Variants in MPZL3 observed in about 807,000 individuals in gnomAD.
MPZL3 encodes myelin protein zero like 3, also known as myelin protein zero-like protein 3.
In MPZL3, 23 loss-of-function variants were observed where a neutral mutation model predicts 24.8. The observed-to-expected ratio is 0.93, with a 90% CI of 0.67 to 1.31. MPZL3 has a LOEUF of 1.31. Among genes scored for constraint, MPZL3 ranks in the 40% most tolerant of loss-of-function variants. MPZL3 has a pLI of 0.00. For missense variants in MPZL3, 277 were observed against 294.9 expected, an observed-to-expected ratio of 0.94 and a Z score of 0.44; for synonymous variants, 99 against 106.5, an observed-to-expected ratio of 0.93 and a Z score of 0.44.
chr11:118,229,782 G>T lies in MPZL3; in HGVS notation c.*112C>A. The T allele has an allele frequency of 2.1e-6, 2 of 960,088 alleles. No individual in the cohort carries two copies. Among genetic ancestry groups the T allele is most frequent in the Admixed American group, 2.1e-5 (1 of 47,562 alleles). 59.5% of individuals were successfully genotyped at this position (960,088 alleles called of 1,614,324 possible). On this transcript the variant is annotated 3_prime_UTR_variant, in exon 6 of 6. Transcript: ENST00000278949. The stretch of plus-strand genomic sequence containing the variant: ...GTCTTTACTGATGATCTCCAGGATT[G>T]TCCATCGCTATGGTCCAGGCCAGCT...
In MPZL3 at chr11:118,228,037, C is replaced by T. The variant is rs917581998; in HGVS notation, c.*1857G>A. The T allele has an allele frequency of 3.3e-5, 5 of 152,126 alleles. No individual in the cohort carries two copies. Among genetic ancestry groups the T allele is most frequent in the Admixed American group, 1.3e-4 (2 of 15,268 alleles). The allele number at this position is 152,126 out of a possible 1,614,324, so 9.4% of individuals were successfully genotyped here. A position where few individuals can be genotyped will look rare whatever the true frequency, so the allele number is the denominator to read the frequency against. On this transcript the variant is annotated 3_prime_UTR_variant, in exon 6 of 6. Transcript: ENST00000278949. The stretch of plus-strand genomic sequence containing the variant: ...AAGTTAACAAGCAGTCCCAAAGTAC[C>T]GTGAGGTTTAACCACTGGAAATGTA...
At chr11:118,235,809 T>G (rs1365125080) in intron 3 of MPZL3, among the ~76,000 whole-genome samples, 1 of 152,180 alleles carries the variant, frequency 6.6e-6, no homozygotes, top group African/African-American at 2.4e-5. Context: ...ACCCATTTAA[T>G]CTTCTTCTAG....
At chr11:118,235,052 A>G (rs2134697782) in intron 4 of MPZL3, among the ~76,000 whole-genome samples, 1 of 152,288 alleles carries the variant, frequency 6.6e-6, no homozygotes, top group Non-Finnish European at 1.5e-5. Context: ...CTCATTGCTC[A>G]GGCATTTTCT....
chr11:118,237,004 G>A (rs763106108), intron 3 of MPZL3, 46 bp downstream of exon 3: 57 of 1,536,632 alleles, frequency 3.7e-5, no homozygotes, highest in Non-Finnish European at 4.9e-5. Context: ...AAGCACCACA[G>A]CAGTCACAGA....
At chr11:118,234,465 A>G (rs1481184413) in intron 4 of MPZL3, among the ~76,000 whole-genome samples, 2 of 152,170 alleles carry the variant, frequency 1.3e-5, no homozygotes, top group African/African-American at 4.8e-5. Context: ...GCAAGTCAAA[A>G]GGAGGGGTCT....
In MPZL3 at chr11:118,240,247, C is replaced by A; in HGVS notation, c.204G>T (p.Trp68Cys). ...SDVTDKLTID[W>C]TYRPPSSSHT... ...GGCTGCTGCTGGGAGGGCGATATGTCCAGTCTATAGTAAGTTTGTCAGTGA... is the reference window on the plus strand; with the variant it reads ...GGCTGCTGCTGGGAGGGCGATATGTACAGTCTATAGTAAGTTTGTCAGTGA... Residue 68 changes from tryptophan (W) to cysteine (C), a missense_variant, in exon 2 of 6, where the codon TGG becomes TGT. By Grantham distance (215) the Trp-to-Cys change is radical. Transcript: ENST00000278949. 2 of 1,590,406 alleles carry A rather than the reference C, an allele frequency of 1.3e-6. No homozygotes were observed. The highest frequency in any genetic ancestry group is 1.7e-6 in the Non-Finnish European group (2 of 1,171,922).
At chr11:118,240,176 G>C (rs1180248677) in intron 2 of MPZL3, 35 bp downstream of exon 2, 1 of 1,500,612 alleles carries the variant, frequency 6.7e-7, no homozygotes, top group Non-Finnish European at 8.8e-7. Flanking sequence ...CAAAACTGTT[G>C]ACCAAAGGAA....
chr11:118,236,944 C>T (rs1444369625), intron 3 of MPZL3, 106 bp downstream of exon 3: 1 of 935,462 alleles, frequency 1.1e-6, no homozygotes, highest in Non-Finnish European at 1.6e-6. Flanking sequence ...TTTAATGACC[C>T]AACTGGCTTA....
Position 118,248,893 on chromosome 11 carries a change from G to A in MPZL3, c.73+3329C>T, listed in dbSNP as rs113354577. Among the ~76,000 whole-genome samples the A allele has an allele frequency of 3.6e-3, 547 of 152,222 alleles. 5 individuals are homozygous for A. The highest frequency in any genetic ancestry group is 0.012 in the African/African-American group (510 of 41,512). On this transcript the variant is annotated intron_variant, in intron 1 of 5. Transcript: ENST00000278949. ...TAGATAAAGCAAACTTTATAAGTGGGCTATTGAAAGAAAAGTGCCTTTTAA... is the reference window on the plus strand; with the variant it reads ...TAGATAAAGCAAACTTTATAAGTGGACTATTGAAAGAAAAGTGCCTTTTAA...
At chr11:118,245,528 A>C (rs980043817) in intron 1 of MPZL3, among the ~76,000 whole-genome samples, 1 of 152,218 alleles carries the variant, frequency 6.6e-6, no homozygotes, top group Non-Finnish European at 1.5e-5. Context: ...AGACAGGAAG[A>C]CTAGAAAAGT....
chr11:118,250,276 C>T lies in MPZL3; in HGVS notation c.73+1946G>A, dbSNP rs559515988. ...CTGACCTCAAATGATCCACCCACCTCGGCCTCCCAAAGTGCTAGGATTACA... is the reference window on the plus strand; with the variant it reads ...CTGACCTCAAATGATCCACCCACCTTGGCCTCCCAAAGTGCTAGGATTACA... On this transcript the variant is annotated intron_variant, in intron 1 of 5. Transcript: ENST00000278949. Among the ~76,000 whole-genome samples the T allele has an allele frequency of 1.2e-4, 18 of 150,064 alleles. No homozygotes were observed. The East Asian group carries it at 2.7e-3, about 23-fold the overall frequency.
chr11:118,235,923 T>A (rs1341987851), intron 3 of MPZL3, among the ~76,000 whole-genome samples: 1 of 152,200 alleles, frequency 6.6e-6, no homozygotes. Flanking sequence ...ATGATAAATA[T>A]TTAACAATTC....
chr11:118,248,453 CACCT>C (rs1256702597), intron 1 of MPZL3, among the ~76,000 whole-genome samples: 3 of 152,032 alleles, frequency 2.0e-5, no homozygotes, highest in African/African-American at 4.8e-5. Flanking sequence ...TCAATAAACC[CACCT>C]ACCTACCAAT....
intron 1 of MPZL3, among the ~76,000 whole-genome samples, chr11:118,247,370 C>CA (rs750056083): frequency 3.9e-5 from 6 of 151,968 alleles, no homozygotes; most frequent in Non-Finnish European, 7.4e-5. Context: ...AACATTTTTA[C>CA]AAAAAATAAA....
At chr11:118,237,322 T>C (rs1272966353) in intron 2 of MPZL3, 62 bp from the exon 3 acceptor site, 4 of 1,435,286 alleles carry the variant, frequency 2.8e-6, no homozygotes. Flanking sequence ...AATATAAAGC[T>C]CAGTAGGTCC....
rs1312376218 is a variant in MPZL3 at position 118,240,335 on chromosome 11, T to C, written c.116A>G (p.His39Arg). ...CTTTTCTCCAACATAACCTCGGACA[T>C]GGGCATCTGCACGAATCTCCAAGGA... ...VFSLEIRADA[H>R]VRGYVGEKIK... The change falls in exon 2 of 6, where the codon CAT becomes CGT. Residue 39 changes from histidine (H) to arginine (R), a missense_variant. Physicochemically the swap from His to Arg is conservative, Grantham distance 29. Coordinates refer to ENST00000278949, the MANE Select transcript of MPZL3 (RefSeq NM_198275.3). 2 of 1,608,700 alleles carry C rather than the reference T, an allele frequency of 1.2e-6. No individual in the cohort carries two copies. Among genetic ancestry groups the C allele is most frequent in the East Asian group, 2.2e-5 (1 of 44,560 alleles).
chr11:118,246,585 C>CTTTTTTT (rs71301655), intron 1 of MPZL3, among the ~76,000 whole-genome samples: 29 of 123,232 alleles, frequency 2.4e-4, no homozygotes, highest in African/African-American at 6.2e-4. Context: ...TTTTTCTTTT[C>CTTTTTTT]TTTTTTTTTT....
At chr11:118,232,685 C>T (rs1949370168) in intron 5 of MPZL3, among the ~76,000 whole-genome samples, 2 of 152,172 alleles carry the variant, frequency 1.3e-5, no homozygotes, top group Admixed American at 1.3e-4. Flanking sequence ...GTCCTCTGCA[C>T]TGGCATTACC....
chr11:118,230,214 A>G (rs1949332919), intron 5 of MPZL3, among the ~76,000 whole-genome samples: 1 of 152,164 alleles, frequency 6.6e-6, no homozygotes, highest in African/African-American at 2.4e-5. Flanking sequence ...TTTCTTAGCA[A>G]AACAAGTGTC....
Sources: allele counts gnomAD v4.1 joint callset (sites outside exome capture counted in the v4.1 genomes callset), GRCh38; gene constraint gnomAD v4.1.1; transcripts MANE v1.5; gene names NCBI Gene and HGNC (gene_info 2026-07-23, HGNC 2026-07-21).